EDA2R: variants seen among roughly 807,000 people sequenced by gnomAD.
EDA2R encodes the protein ectodysplasin A2 receptor.
In EDA2R, 26 loss-of-function variants were observed where a neutral mutation model predicts 20.1. The ratio of observed to expected loss-of-function variants is 1.30; its 90% CI spans 0.95 to 1.80. The LOEUF is 1.80. Ranked by LOEUF, EDA2R falls within the 40% of genes most tolerant of loss-of-function variation. The pLI is 0.00. For synonymous variants in EDA2R, 114 were observed against 88.7 expected (o/e 1.29, Z -1.60); for missense variants, 277 against 228.7 (o/e 1.21, Z -1.36).
At chrX:66,630,891 A>G (rs1933706404) in intron 1 of EDA2R, among the ~76,000 whole-genome samples, 1 of 109,804 alleles carries the variant, frequency 9.1e-6, no homozygotes. Context: ...ATGTGTATGC[A>G]TATATACATA....
intron 1 of EDA2R, among the ~76,000 whole-genome samples, chrX:66,619,841 T>G (rs150396732): frequency 0.01 from 1,153 of 111,811 alleles, 11 homozygotes; most frequent in African/African-American, 0.036. Flanking sequence ...CTGGGATTTT[T>G]TGTCTGTTTC....
intron 1 of EDA2R, among the ~76,000 whole-genome samples, chrX:66,628,501 G>A (rs1192748730): frequency 9.0e-6 from 1 of 110,685 alleles, no homozygotes; most frequent in Non-Finnish European, 1.9e-5. Flanking sequence ...AAACAAAATG[G>A]GAGACATTAG....
intron 2 of EDA2R, among the ~76,000 whole-genome samples, chrX:66,613,722 T>G (rs1931187304): frequency 9.0e-6 from 1 of 111,728 alleles, no homozygotes; most frequent in Admixed American, 9.6e-5. Flanking sequence ...GCTGATATAT[T>G]TCAAGAGTCT....
chrX:66,619,788 G>A (rs1932300087), intron 1 of EDA2R, among the ~76,000 whole-genome samples: 1 of 111,922 alleles, frequency 8.9e-6, no homozygotes, highest in Non-Finnish European at 1.9e-5. Flanking sequence ...TTACACAGAT[G>A]AGGTAATGTG....
At chrX:66,634,169 A>C (rs752197308) in intron 1 of EDA2R, among the ~76,000 whole-genome samples, 5 of 112,268 alleles carry the variant, frequency 4.5e-5, no homozygotes, top group African/African-American at 1.6e-4. Flanking sequence ...GAACTATAGA[A>C]TGAGGCATGT....
intron 1 of EDA2R, among the ~76,000 whole-genome samples, chrX:66,624,798 C>A (rs1190384560): frequency 9.0e-6 from 1 of 111,624 alleles, no homozygotes; most frequent in Non-Finnish European, 1.9e-5. Context: ...TCCTGCAGGA[C>A]CCAGGAGACA....
chrX:66,600,230 A>T (rs2147538459), intron 5 of EDA2R: 1 of 481,287 alleles, frequency 2.1e-6, no homozygotes, highest in South Asian at 3.6e-5. Flanking sequence ...AATTAAAGTT[A>T]TGGATTTCAA....
chrX:66,626,150 T>A (rs1236511475), intron 1 of EDA2R, among the ~76,000 whole-genome samples: 1 of 111,536 alleles, frequency 9.0e-6, no homozygotes, highest in Admixed American at 9.6e-5. Flanking sequence ...CAGCAATGGA[T>A]CCAAACCAAG....
At chrX:66,605,602 G>A (rs1929532745) in intron 2 of EDA2R, among the ~76,000 whole-genome samples, 1 of 111,736 alleles carries the variant, frequency 8.9e-6, no homozygotes, top group Admixed American at 9.5e-5. Context: ...CCTCAATGGG[G>A]TACCCGGGGT....
chrX:66,602,166 GA>G (rs1569224582), intron 5 of EDA2R, among the ~76,000 whole-genome samples: 1 of 111,279 alleles, frequency 9.0e-6, no homozygotes, highest in Non-Finnish European at 1.9e-5. Context: ...CTCAATTCAT[GA>G]CATGCTCTAG....
At chrX:66,605,724 C>A (rs2147650096) in intron 2 of EDA2R, among the ~76,000 whole-genome samples, 1 of 111,821 alleles carries the variant, frequency 8.9e-6, no homozygotes, top group Non-Finnish European at 1.9e-5. Flanking sequence ...ATGTCCTTGG[C>A]CATACACATC....
At chrX:66,620,360 A>C (rs1390726009) in intron 1 of EDA2R, among the ~76,000 whole-genome samples, 1 of 111,634 alleles carries the variant, frequency 9.0e-6, no homozygotes, top group Non-Finnish European at 1.9e-5. Flanking sequence ...AAATCTTTTC[A>C]AAGAAGGGTG....
intron 1 of EDA2R, among the ~76,000 whole-genome samples, chrX:66,621,894 T>C (rs1270947961): frequency 1.8e-5 from 2 of 112,432 alleles, no homozygotes; most frequent in Non-Finnish European, 3.8e-5. Context: ...AATCTTATAG[T>C]ATGTGAATTA....
chrX:66,608,315 T>G (rs983313819), intron 2 of EDA2R, among the ~76,000 whole-genome samples: 1 of 110,723 alleles, frequency 9.0e-6, no homozygotes, highest in African/African-American at 3.3e-5. Context: ...TCAAATCTGA[T>G]GAAAGACATA....
Position 66,599,618 on chromosome X carries a change from A to T in EDA2R, c.760T>A (p.Cys254Ser). ...HSHWVHSPIE[C>S]TELDLQKFSS... is the part of the protein sequence containing the mutation. The stretch of plus-strand genomic sequence containing the variant: ...AACTTTTGCAGGTCCAGCTCTGTGC[A>T]TTCGATGGGGCTGTGGACCCAGTGG... The change falls in exon 6 of 7, where the codon TGC becomes AGC. Residue 254 changes from cysteine to serine, a missense_variant. Transcript: ENST00000374719. The T allele has an allele frequency of 8.3e-7, 1 of 1,204,865 alleles. No homozygotes were observed. Among genetic ancestry groups the T allele is most frequent in the South Asian group, 1.8e-5 (1 of 55,584 alleles).
chrX:66,632,805 G>A (rs1382240523), intron 1 of EDA2R, among the ~76,000 whole-genome samples: 1 of 111,483 alleles, frequency 9.0e-6, no homozygotes, highest in Non-Finnish European at 1.9e-5. Flanking sequence ...ATCTGTGCCT[G>A]GAATAGACAT....
intron 2 of EDA2R, among the ~76,000 whole-genome samples, chrX:66,614,016 TC>T (rs1325805525): frequency 1.8e-5 from 2 of 111,254 alleles, no homozygotes; most frequent in Non-Finnish European, 3.8e-5. Flanking sequence ...AATCACACAA[TC>T]CCATTCTCAT....
At chrX:66,624,131 T>C (rs1438724144) in intron 1 of EDA2R, among the ~76,000 whole-genome samples, 2 of 112,213 alleles carry the variant, frequency 1.8e-5, no homozygotes, top group Non-Finnish European at 3.8e-5. Context: ...CCTGTCTGAG[T>C]AAAAGGTTTC....
At chrX:66,635,388 A>G (rs1217717528) in intron 1 of EDA2R, among the ~76,000 whole-genome samples, 2 of 112,364 alleles carry the variant, frequency 1.8e-5, no homozygotes, top group Non-Finnish European at 3.8e-5. Flanking sequence ...TCCCAAGAAG[A>G]GAATACACGG....
Sources: gnomAD v4.1 joint callset for allele counts (sites outside exome capture counted in the v4.1 genomes callset) on GRCh38, gnomAD v4.1.1 for gene constraint, MANE v1.5 for transcripts, NCBI Gene and HGNC (gene_info 2026-07-23, HGNC 2026-07-21) for gene names.